The following PLPP1 variants were observed in gnomAD, a reference collection of about 807,000 sequenced individuals.
The protein encoded by PLPP1 is lipid phosphate phosphohydrolase 1a.
In PLPP1, 24 loss-of-function variants were observed where a neutral mutation model predicts 31.2. The observed-to-expected ratio is 0.77, with a 90% CI of 0.56 to 1.08. The LOEUF (loss-of-function observed/expected upper bound fraction) is 1.08. PLPP1 is among the 50% of genes least tolerant of loss of function. The pLI, the probability that PLPP1 is intolerant of heterozygous loss-of-function variation, is 0.00. For synonymous variants in PLPP1, 146 were observed against 126.3 expected (o/e 1.16, Z -1.05); for missense variants, 319 against 342.7 (o/e 0.93, Z 0.55).
chr5:55,523,386 A>C (rs1215601377), intron 1 of PLPP1, among the ~76,000 whole-genome samples: 1 of 152,096 alleles, frequency 6.6e-6, no homozygotes, highest in Non-Finnish European at 1.5e-5. Flanking sequence ...CATTTATTAC[A>C]ACCTTTCCCA....
intron 1 of PLPP1, among the ~76,000 whole-genome samples, chr5:55,518,979 A>G (rs1384561730): frequency 6.6e-6 from 1 of 152,156 alleles, no homozygotes; most frequent in African/African-American, 2.4e-5. Flanking sequence ...TACACTTTGA[A>G]CTCTTTAAAT....
chr5:55,498,338 G>T (rs543151795), intron 1 of PLPP1, among the ~76,000 whole-genome samples: 32 of 152,140 alleles, frequency 2.1e-4, no homozygotes, highest in Middle Eastern at 3.4e-3. Flanking sequence ...AAAAGAGGTA[G>T]ATCCTAAAGA....
At chr5:55,506,030 G>A (rs142296390) in intron 1 of PLPP1, among the ~76,000 whole-genome samples, 1,754 of 152,096 alleles carry the variant, frequency 0.012, 14 homozygotes, top group Non-Finnish European at 0.017. Flanking sequence ...GCACTCCAGC[G>A]TAGGCAACAG....
At chr5:55,464,157 C>T (rs181081240) in intron 3 of PLPP1, among the ~76,000 whole-genome samples, 530 of 151,576 alleles carry the variant, frequency 3.5e-3, no homozygotes, top group African/African-American at 0.012. Flanking sequence ...TATAGTCCAG[C>T]ACTTCTACTC....
chr5:55,450,119 A>G (rs575514775), intron 3 of PLPP1, among the ~76,000 whole-genome samples: 3 of 152,324 alleles, frequency 2.0e-5, no homozygotes, highest in African/African-American at 7.2e-5. Flanking sequence ...ACTCTATTAT[A>G]TAGGTCAATT....
intron 1 of PLPP1, among the ~76,000 whole-genome samples, chr5:55,510,640 T>C (rs1322463364): frequency 6.6e-6 from 1 of 152,068 alleles, no homozygotes; most frequent in African/African-American, 2.4e-5. Context: ...CCCCACCCCC[T>C]CCACCTAGCT....
chr5:55,445,535 C>T (rs1039510727), intron 3 of PLPP1, among the ~76,000 whole-genome samples: 6 of 79,622 alleles, frequency 7.5e-5, no homozygotes, highest in Admixed American at 3.3e-4. Flanking sequence ...TGCATTCACT[C>T]TTTTTTTTTT....
chr5:55,433,144 CAAAAAAAAAAAA>C (rs57495015), intron 4 of PLPP1, among the ~76,000 whole-genome samples: 3 of 125,310 alleles, frequency 2.4e-5, no homozygotes, highest in African/African-American at 9.2e-5. Flanking sequence ...CCCATCTCTA[CAAAAAAAAAAAA>C]AAAAAAAATA....
intron 1 of PLPP1, among the ~76,000 whole-genome samples, chr5:55,497,412 A>ATTTTT (rs199571704): frequency 1.4e-5 from 2 of 140,262 alleles, no homozygotes; most frequent in African/African-American, 5.3e-5. Flanking sequence ...TTCCTGGCTA[A>ATTTTT]TTTTTTCTTT....
chr5:55,484,161 A>T (rs1415478116), intron 1 of PLPP1, among the ~76,000 whole-genome samples: 2 of 152,260 alleles, frequency 1.3e-5, no homozygotes, highest in African/African-American at 4.8e-5. Flanking sequence ...CAGCTAAGCA[A>T]GAAGCCCCTC....
At chr5:55,530,525 G>A in intron 1 of PLPP1, 4 of 1,199,960 alleles carry the variant, frequency 3.3e-6, no homozygotes, top group South Asian at 2.4e-5. Context: ...AATCTTCAGA[G>A]ATCTGAAAGT....
intron 1 of PLPP1, among the ~76,000 whole-genome samples, chr5:55,482,385 C>T (rs1029236821): frequency 2.6e-5 from 4 of 151,882 alleles, no homozygotes; most frequent in Non-Finnish European, 5.9e-5. Flanking sequence ...CATTATCAAA[C>T]ATAAACAACA....
At chr5:55,450,548 T>G (rs544597662) in intron 3 of PLPP1, among the ~76,000 whole-genome samples, 2 of 152,228 alleles carry the variant, frequency 1.3e-5, no homozygotes, top group African/African-American at 4.8e-5. Context: ...GCAGGGAAAC[T>G]TGGTGACTAC....
At chr5:55,434,606 G>T (rs1028435034) in intron 4 of PLPP1, among the ~76,000 whole-genome samples, 1 of 152,086 alleles carries the variant, frequency 6.6e-6, no homozygotes, top group Non-Finnish European at 1.5e-5. Flanking sequence ...AAACAGAATA[G>T]ATACCAGAAA....
chr5:55,435,930 C>G (rs1751481733), intron 4 of PLPP1, among the ~76,000 whole-genome samples: 1 of 150,358 alleles, frequency 6.7e-6, no homozygotes, highest in Non-Finnish European at 1.5e-5. Context: ...AGGAGAACTG[C>G]TTGAACCCAG....
At chr5:55,481,193 C>T (rs541570654) in intron 1 of PLPP1, among the ~76,000 whole-genome samples, 2 of 152,266 alleles carry the variant, frequency 1.3e-5, no homozygotes, top group Non-Finnish European at 2.9e-5. Context: ...AACCATAATA[C>T]AAATACTAAC....
At chr5:55,503,766 G>A (rs1753196445) in intron 1 of PLPP1, among the ~76,000 whole-genome samples, 1 of 140,266 alleles carries the variant, frequency 7.1e-6, no homozygotes, top group Non-Finnish European at 1.6e-5. Context: ...GCAACAGAGA[G>A]AGGCTGTCTC....
chr5:55,436,034 A>AAC (rs1751485994), intron 4 of PLPP1, among the ~76,000 whole-genome samples: 1 of 151,670 alleles, frequency 6.6e-6, no homozygotes, highest in Admixed American at 6.6e-5. Context: ...AAAAAAAAAA[A>AAC]AACTTCTTAG....
At chr5:55,500,281 G>GT (rs1190669528) in intron 1 of PLPP1, among the ~76,000 whole-genome samples, 1 of 151,842 alleles carries the variant, frequency 6.6e-6, no homozygotes, top group East Asian at 1.9e-4. Context: ...GGGTTTCACC[G>GT]TGTTAGCCAG....
Sources: allele counts gnomAD v4.1 joint callset (sites outside exome capture counted in the v4.1 genomes callset), GRCh38; gene constraint gnomAD v4.1.1; transcripts MANE v1.5; gene names NCBI Gene and HGNC (gene_info 2026-07-23, HGNC 2026-07-21).